Variants in CPA6 observed in about 807,000 individuals in gnomAD.
CPA6 encodes the protein carboxypeptidase A6, also known as carboxypeptidase B.
In CPA6, 58 loss-of-function variants were observed where a neutral mutation model predicts 63.3. The ratio of observed to expected loss-of-function variants is 0.92; its 90% CI spans 0.74 to 1.14. The LOEUF (loss-of-function observed/expected upper bound fraction) is 1.14, where lower values mean the gene tolerates loss of function less well. Ranked by LOEUF, CPA6 falls within the 50% of genes most tolerant of loss-of-function variation. The pLI is 0.00. For synonymous variants in CPA6, 185 were observed against 179.0 expected (o/e 1.03, Z -0.27); for missense variants, 565 against 526.6 (o/e 1.07, Z -0.71).
rs1044751209 is a variant in CPA6 at position 67,517,923 on chromosome 8, T to A, written c.317A>T (p.Lys106Met). The A allele has an allele frequency of 2.5e-6, 4 of 1,605,546 alleles. No homozygotes were observed. In the Admixed American group the frequency reaches 6.9e-5, roughly 28 times the overall value. ...ATAGCAAGTGAAAAGGAATGCTTACTTGTACTGGATGTTGGCTTCCTGTAA... is the reference window on the plus strand; with the variant it reads ...ATAGCAAGTGAAAAGGAATGCTTACATGTACTGGATGTTGGCTTCCTGTAA... ...AFLQEANIQY[K>M]VLIEDLQKTL... The change falls in exon 3 of 11, where the codon AAG (lysine) becomes ATG (methionine). Residue 106 changes from lysine to methionine, a missense_variant and splice_region_variant. Transcript: ENST00000297770.
At chr8:67,501,222 A>ATT (rs1244912164) in intron 6 of CPA6, among the ~76,000 whole-genome samples, 1 of 152,042 alleles carries the variant, frequency 6.6e-6, no homozygotes, top group Non-Finnish European at 1.5e-5. Context: ...CTCCACTTCA[A>ATT]TTTTCTTTAT....
chr8:67,671,657 G>T (rs925398672), intron 1 of CPA6, among the ~76,000 whole-genome samples: 13 of 152,158 alleles, frequency 8.5e-5, no homozygotes, highest in African/African-American at 3.1e-4. Flanking sequence ...GAAGGCTTCT[G>T]AAAAATGCTT....
intron 2 of CPA6, among the ~76,000 whole-genome samples, chr8:67,571,044 G>A (rs1186202085): frequency 6.6e-6 from 1 of 152,182 alleles, no homozygotes; most frequent in African/African-American, 2.4e-5. Flanking sequence ...AGCAGAGGTA[G>A]CGATACTTGC....
intron 1 of CPA6, among the ~76,000 whole-genome samples, chr8:67,639,326 C>G (rs1251358916): frequency 6.6e-6 from 1 of 151,608 alleles, no homozygotes; most frequent in Non-Finnish European, 1.5e-5. Context: ...CTCAGTCTGG[C>G]AGGCTGTGCT....
intron 2 of CPA6, among the ~76,000 whole-genome samples, chr8:67,615,382 A>G (rs1314070611): frequency 6.6e-6 from 1 of 152,212 alleles, no homozygotes; most frequent in Non-Finnish European, 1.5e-5. Flanking sequence ...CTATTCCTGT[A>G]TCTTGGATCA....
At chr8:67,471,870 G>C (rs1811066642) in intron 8 of CPA6, among the ~76,000 whole-genome samples, 1 of 152,094 alleles carries the variant, frequency 6.6e-6, no homozygotes, top group African/African-American at 2.4e-5. Context: ...AGTGACCCAG[G>C]AGGAATATAA....
chr8:67,666,251 C>A (rs1218617839), intron 1 of CPA6, among the ~76,000 whole-genome samples: 1 of 152,230 alleles, frequency 6.6e-6, no homozygotes, highest in East Asian at 1.9e-4. Context: ...GCTGTGGGAA[C>A]TTATGTAAAG....
intron 1 of CPA6, among the ~76,000 whole-genome samples, chr8:67,657,445 T>C (rs151100022): frequency 4.6e-5 from 7 of 152,286 alleles, no homozygotes; most frequent in African/African-American, 1.7e-4. Flanking sequence ...GTTTAAAAAA[T>C]ATCCTTTACT....
chr8:67,555,244 C>T (rs572624174), intron 2 of CPA6, among the ~76,000 whole-genome samples: 1 of 152,280 alleles, frequency 6.6e-6, no homozygotes, highest in Non-Finnish European at 1.5e-5. Context: ...CCAGAAAAAC[C>T]AACCGTGTAA....
At chr8:67,426,129 C>A (rs1809878015) in intron 10 of CPA6, among the ~76,000 whole-genome samples, 1 of 152,092 alleles carries the variant, frequency 6.6e-6, no homozygotes, top group Admixed American at 6.6e-5. Flanking sequence ...CCACTATGCC[C>A]AGCTAATTTT....
At chr8:67,447,472 A>G (rs991212409) in intron 8 of CPA6, among the ~76,000 whole-genome samples, 10 of 149,322 alleles carry the variant, frequency 6.7e-5, no homozygotes, top group African/African-American at 2.5e-4. Context: ...GACTTATAGG[A>G]ATAGGGCCCT....
intron 5 of CPA6, among the ~76,000 whole-genome samples, chr8:67,507,620 A>G (rs1811957271): frequency 1.3e-5 from 2 of 152,188 alleles, no homozygotes; most frequent in East Asian, 3.8e-4. Context: ...CATCGTGCTC[A>G]GTACTGGAGA....
intron 1 of CPA6, among the ~76,000 whole-genome samples, chr8:67,663,276 C>A (rs1053482202): frequency 1.4e-4 from 21 of 152,248 alleles, no homozygotes; most frequent in African/African-American, 5.1e-4. Context: ...TTCGGTTAAG[C>A]CTGGTTAGTT....
Position 67,422,256 on chromosome 8 carries a change from C to A in CPA6, c.*248G>T, listed in dbSNP as rs565267829. 29 of 342,158 alleles carry A rather than the reference C, an allele frequency of 8.5e-5. No individual in the cohort carries two copies. In the East Asian group the frequency reaches 1.2e-3, roughly 14 times the overall value. The allele number at this position is 342,158 out of a possible 1,614,324, so 21.2% of individuals were successfully genotyped here. A position where few individuals can be genotyped will look rare whatever the true frequency, so the allele number is the denominator to read the frequency against. On this transcript the variant is annotated 3_prime_UTR_variant, in exon 11 of 11. Transcript: ENST00000297770. ...AGAAATGGGAAATTTGAAAACATTCCCTCCCACCATAATCAAATAAGACTC... is the reference window on the plus strand; with the variant it reads ...AGAAATGGGAAATTTGAAAACATTCACTCCCACCATAATCAAATAAGACTC...
intron 8 of CPA6, among the ~76,000 whole-genome samples, chr8:67,461,477 G>A (rs1283910464): frequency 8.7e-4 from 131 of 151,398 alleles, no homozygotes; most frequent in African/African-American, 3.0e-3. Context: ...ACACAGACAC[G>A]GCAACCATCC....
rs374181861 is a variant in CPA6 at position 67,442,954 on chromosome 8, C to T, written c.839-8714G>A. Among the ~76,000 whole-genome samples the T allele has an allele frequency of 1.3e-4, 20 of 152,272 alleles. No individual in the cohort carries two copies. The East Asian group carries it at 3.7e-3, about 28-fold the overall frequency. ...ATGCATCCCCACAGACCTGCCAAAG[C>T]CTTTCTTAGAGCTGCATATTAGTCT... On this transcript the variant is annotated intron_variant, in intron 8 of 10. Transcript: ENST00000297770.
intron 8 of CPA6, among the ~76,000 whole-genome samples, chr8:67,463,486 A>AT (rs58675908): frequency 0.11 from 17,009 of 151,464 alleles, 1,054 homozygotes; most frequent in East Asian, 0.22. Flanking sequence ...AGATAAATAA[A>AT]AGAAGAATTC....
chr8:67,422,394 A>C lies in CPA6; in HGVS notation c.*110T>G. 1.1e-6 allele frequency: 1 copy of C among 901,826 alleles called. No homozygotes were observed. The highest frequency in any genetic ancestry group is 1.7e-6 in the Non-Finnish European group (1 of 589,002). The allele number at this position is 901,826 out of a possible 1,614,324, so 55.9% of individuals were successfully genotyped here. A position where few individuals can be genotyped will look rare whatever the true frequency, so the allele number is the denominator to read the frequency against. On this transcript the variant is annotated 3_prime_UTR_variant, in exon 11 of 11. Transcript: ENST00000297770. ...TGCGTGGGGTCTTTTTAAAGTCCAT[A>C]GACATGTTCACTCTAAGCAGCTGCC...
intron 8 of CPA6, among the ~76,000 whole-genome samples, chr8:67,444,188 C>T (rs1810361550): frequency 6.6e-6 from 1 of 151,862 alleles, no homozygotes; most frequent in African/African-American, 2.4e-5. Context: ...CAGGGTTTCA[C>T]CGTGTTAGCC....
Sources: gnomAD v4.1 joint callset for allele counts (sites outside exome capture counted in the v4.1 genomes callset) on GRCh38, gnomAD v4.1.1 for gene constraint, MANE v1.5 for transcripts, NCBI Gene and HGNC (gene_info 2026-07-23, HGNC 2026-07-21) for gene names.